PTPRM: variants seen among roughly 807,000 people sequenced by gnomAD.
The protein encoded by PTPRM is protein tyrosine phosphatase receptor type M, also known as receptor-type tyrosine-protein phosphatase mu.
PTPRM carries 47 observed loss-of-function variants against 186.7 expected under a neutral mutation model. The observed-to-expected ratio is 0.25, with a 90% confidence interval of 0.20 to 0.32. PTPRM has a LOEUF of 0.32. PTPRM is among the 10% of genes least tolerant of loss of function. The probability of loss-of-function intolerance (pLI) is 1.00; values close to 1 mark genes in which losing one functional copy is unlikely to be tolerated. For synonymous variants in PTPRM, 668 were observed against 674.9 expected (o/e 0.99, Z 0.16); for missense variants, 1,494 against 1,865.0 (o/e 0.80, Z 3.66).
At chr18:7,972,642 A>G (rs1002960315) in intron 7 of PTPRM, among the ~76,000 whole-genome samples, 2 of 151,952 alleles carry the variant, frequency 1.3e-5, no homozygotes, top group East Asian at 3.9e-4. Flanking sequence ...TAGCTCAGCT[A>G]TAATGCTCCT....
intron 14 of PTPRM, among the ~76,000 whole-genome samples, chr18:8,176,640 C>T (rs1276698027): frequency 2.6e-5 from 4 of 152,306 alleles, no homozygotes; most frequent in South Asian, 2.1e-4. Context: ...GTATTTTGAT[C>T]GTCCACATGA....
intron 4 of PTPRM, among the ~76,000 whole-genome samples, chr18:7,918,220 G>C (rs569625292): frequency 1.3e-5 from 2 of 152,124 alleles, no homozygotes; most frequent in Admixed American, 1.3e-4. Flanking sequence ...ATATCTTTTT[G>C]ATATATTGAT....
chr18:7,854,989 A>C (rs1033328511), intron 2 of PTPRM, among the ~76,000 whole-genome samples: 3 of 152,126 alleles, frequency 2.0e-5, no homozygotes, highest in Non-Finnish European at 4.4e-5. Flanking sequence ...TGAGAATGCC[A>C]AGCAACCGCC....
chr18:7,832,242 A>G (rs899157812), intron 2 of PTPRM, among the ~76,000 whole-genome samples: 3 of 152,234 alleles, frequency 2.0e-5, no homozygotes, highest in Admixed American at 6.5e-5. Context: ...CATTTCCACC[A>G]ACTGTATATG....
At chr18:8,148,700 ATTTG>A (rs2092938285) in intron 14 of PTPRM, among the ~76,000 whole-genome samples, 1 of 151,320 alleles carries the variant, frequency 6.6e-6, no homozygotes, top group South Asian at 2.1e-4. Context: ...TAGCTTTTGA[ATTTG>A]TTTGTTGTTG....
chr18:8,396,139 TAA>T (rs1568906369), intron 32 of PTPRM, among the ~76,000 whole-genome samples: 1 of 152,170 alleles, frequency 6.6e-6, no homozygotes, highest in African/African-American at 2.4e-5. Context: ...ACCTGAATGG[TAA>T]AGAGTTCTAC....
At chr18:7,597,957 A>G (rs1270620096) in intron 1 of PTPRM, among the ~76,000 whole-genome samples, 1 of 152,162 alleles carries the variant, frequency 6.6e-6, no homozygotes, top group African/African-American at 2.4e-5. Flanking sequence ...GCATTAATCA[A>G]TAGTGCAGCG....
chr18:7,697,491 G>C (rs1001167389), intron 1 of PTPRM, among the ~76,000 whole-genome samples: 2 of 152,182 alleles, frequency 1.3e-5, no homozygotes, highest in Admixed American at 1.3e-4. Context: ...GAGTTTAATA[G>C]GGATCTTGTC....
chr18:7,645,112 C>T (rs186132510), intron 1 of PTPRM, among the ~76,000 whole-genome samples: 64 of 152,126 alleles, frequency 4.2e-4, no homozygotes, highest in Non-Finnish European at 6.9e-4. Flanking sequence ...ATGTTTTTCC[C>T]TAAAACTCTA....
At chr18:8,385,066 T>C (rs1187950002) in intron 30 of PTPRM, among the ~76,000 whole-genome samples, 8 of 151,592 alleles carry the variant, frequency 5.3e-5, no homozygotes, top group Admixed American at 5.3e-4. Flanking sequence ...AGGGGAGGCA[T>C]GAAGAGTAAG....
At chr18:7,768,538 C>T (rs1255803986) in intron 1 of PTPRM, among the ~76,000 whole-genome samples, 2 of 152,094 alleles carry the variant, frequency 1.3e-5, no homozygotes, top group African/African-American at 4.8e-5. Flanking sequence ...ACTTGAATAA[C>T]ATTAGCACAC....
At chr18:7,638,125 C>T (rs1157161963) in intron 1 of PTPRM, among the ~76,000 whole-genome samples, 1 of 152,144 alleles carries the variant, frequency 6.6e-6, no homozygotes, top group East Asian at 1.9e-4. Context: ...GTTGAAGTCT[C>T]ACAGAGTATA....
chr18:8,247,848 T>A lies in PTPRM; in HGVS notation c.2456T>A (p.Val819Glu), dbSNP rs1329129324. ...MDTHNLNGRSVSSPSSFTMKT... is the reference protein window; with the variant it reads ...MDTHNLNGRSESSPSSFTMKT... ...CCAGCCTCTCTTTTATTTACAGCTG[T>A]GTCTTCACCATCGTCCTTCACAATG... is the stretch of plus-strand genomic sequence containing the variant. The change falls in exon 16 of 33, where the codon GTG becomes GAG. Residue 819 changes from valine (V) to glutamate (E), a missense_variant. Coordinates refer to ENST00000580170, the MANE Select transcript of PTPRM (RefSeq NM_001105244.2). 6.3e-7 allele frequency: 1 copy of A among 1,593,814 alleles called. No individual in the cohort carries two copies. Among genetic ancestry groups the A allele is most frequent in the Non-Finnish European group, 8.6e-7 (1 of 1,161,538 alleles).
At chr18:7,935,798 T>A (rs546254955) in intron 5 of PTPRM, among the ~76,000 whole-genome samples, 1 of 152,220 alleles carries the variant, frequency 6.6e-6, no homozygotes, top group Non-Finnish European at 1.5e-5. Flanking sequence ...GTTAGGTAGT[T>A]TTTTGACCCT....
chr18:7,578,797 CTA>C (rs1225594779), intron 1 of PTPRM, among the ~76,000 whole-genome samples: 1 of 152,086 alleles, frequency 6.6e-6, no homozygotes, highest in Non-Finnish European at 1.5e-5. Flanking sequence ...ATTGCAAAGA[CTA>C]AATCAGAGAA....
chr18:8,162,253 C>T (rs1364916641), intron 14 of PTPRM, among the ~76,000 whole-genome samples: 1 of 152,042 alleles, frequency 6.6e-6, no homozygotes, highest in Non-Finnish European at 1.5e-5. Flanking sequence ...GCACATGCCA[C>T]CACGCCCAGC....
intron 1 of PTPRM, among the ~76,000 whole-genome samples, chr18:7,756,506 T>G (rs952765418): frequency 2.6e-5 from 4 of 152,224 alleles, no homozygotes; most frequent in African/African-American, 9.6e-5. Context: ...CTTTACTTAA[T>G]AAGTCTGTAA....
chr18:8,234,764 A>G (rs1397553818), intron 14 of PTPRM, among the ~76,000 whole-genome samples: 2 of 152,030 alleles, frequency 1.3e-5, no homozygotes, highest in Non-Finnish European at 2.9e-5. Context: ...GTTCCCCTCT[A>G]TTCCTACTTT....
Position 7,965,511 on chromosome 18 carries a change from G to C in PTPRM, c.1132+10097G>C, listed in dbSNP as rs140246528. ...TATTGAGTGAGATTGGATGGCTGGG[G>C]TCTTGGTGGTGTGGATGTAAGGAAT... On this transcript the variant is annotated intron_variant, in intron 7 of 32. Coordinates refer to ENST00000580170, the MANE Select transcript of PTPRM (RefSeq NM_001105244.2). Among the ~76,000 whole-genome samples the C allele has an allele frequency of 8.2e-3, 1,245 of 152,272 alleles. 7 individuals carry two copies. Among genetic ancestry groups the C allele is most frequent in the South Asian group, 0.033 (158 of 4,804 alleles).
Sources: allele counts gnomAD v4.1 joint callset (sites outside exome capture counted in the v4.1 genomes callset), GRCh38; gene constraint gnomAD v4.1.1; transcripts MANE v1.5; gene names NCBI Gene and HGNC (gene_info 2026-07-23, HGNC 2026-07-21).